CHRDL1: variants seen among roughly 807,000 people sequenced by gnomAD.
CHRDL1 encodes the protein chordin-like protein 1.
CHRDL1 carries 19 observed loss-of-function variants against 40.9 expected under a neutral mutation model. The ratio of observed to expected loss-of-function variants is 0.46; its 90% CI spans 0.32 to 0.68. The LOEUF (loss-of-function observed/expected upper bound fraction) is 0.68, where lower values mean the gene tolerates loss of function less well. Among genes scored for constraint, CHRDL1 ranks in the 30% least tolerant of loss-of-function variants. The pLI, the probability that CHRDL1 is intolerant of heterozygous loss-of-function variation, is 0.03. For synonymous variants in CHRDL1, 136 were observed against 123.4 expected (o/e 1.10, Z -0.68); for missense variants, 329 against 352.1 (o/e 0.93, Z 0.53).
At chrX:110,731,495 T>C (rs1024917231) in intron 4 of CHRDL1, among the ~76,000 whole-genome samples, 12 of 111,433 alleles carry the variant, frequency 1.1e-4, no homozygotes, top group African/African-American at 2.3e-4. Flanking sequence ...CCCAGGTATA[T>C]ACACAAAAAA....
chrX:110,733,256 T>G (rs1247744147), intron 4 of CHRDL1, among the ~76,000 whole-genome samples: 2 of 111,410 alleles, frequency 1.8e-5, no homozygotes, highest in African/African-American at 6.5e-5. Context: ...TGGAGTTCCA[T>G]GTACGGACCC....
At chrX:110,737,079 G>A (rs890926983) in intron 4 of CHRDL1, among the ~76,000 whole-genome samples, 8 of 111,822 alleles carry the variant, frequency 7.2e-5, no homozygotes, top group African/African-American at 2.0e-4. Flanking sequence ...TGGCTTTTCC[G>A]AAGTTATCCC....
chrX:110,712,483 G>T (rs1417343465), intron 6 of CHRDL1, among the ~76,000 whole-genome samples: 1 of 111,514 alleles, frequency 9.0e-6, no homozygotes. Context: ...GGTTAAGGAA[G>T]GATCAGACTG....
Position 110,681,577 on chromosome X carries a change from G to A in CHRDL1, c.1061C>T (p.Ser354Phe). The A allele has an allele frequency of 8.3e-7, 1 of 1,203,791 alleles. No homozygotes were observed. The highest frequency in any genetic ancestry group is 1.1e-6 in the Non-Finnish European group (1 of 888,372). ...CGEETMPVYE[S>F]VFMEDGETTR... ...TGTCTCCCCATCCTCCATGAATACA[G>A]ACTCATACACAGGCATCGTTTCTTC... The change falls in exon 10 of 12, where the codon TCT becomes TTT. Residue 354 changes from serine (S) to phenylalanine (F), a missense_variant. Physicochemically the swap from Ser to Phe is radical, Grantham distance 155. Transcript: ENST00000372042.
intron 2 of CHRDL1, among the ~76,000 whole-genome samples, chrX:110,771,701 A>G (rs1479117931): frequency 8.9e-6 from 1 of 111,733 alleles, no homozygotes; most frequent in Non-Finnish European, 1.9e-5. Flanking sequence ...GGCATCTACA[A>G]AAAACCTATA....
intron 4 of CHRDL1, among the ~76,000 whole-genome samples, chrX:110,722,449 G>A (rs140105138): frequency 5.5e-5 from 6 of 108,798 alleles, no homozygotes; most frequent in East Asian, 5.8e-4. Context: ...AGCTTATGCC[G>A]CCTTTCCTCC....
chrX:110,704,060 A>G (rs1277950282), intron 6 of CHRDL1, among the ~76,000 whole-genome samples: 2 of 111,664 alleles, frequency 1.8e-5, no homozygotes, highest in Non-Finnish European at 3.8e-5. Context: ...CTACTATTTG[A>G]TAGCACAATA....
chrX:110,723,267 GACAA>G (rs906390643), intron 4 of CHRDL1, among the ~76,000 whole-genome samples: 4 of 110,375 alleles, frequency 3.6e-5, no homozygotes, highest in Middle Eastern at 4.7e-3. Flanking sequence ...CAAACAAACA[GACAA>G]ACAAACAAAC....
At chrX:110,721,637 C>T (rs1288322587) in intron 4 of CHRDL1, 107 bp from the exon 5 acceptor site, 5 of 611,772 alleles carry the variant, frequency 8.2e-6, no homozygotes, top group Non-Finnish European at 1.1e-5. Context: ...AGTTTTAAGA[C>T]AGTCCCCGCT....
intron 2 of CHRDL1, among the ~76,000 whole-genome samples, chrX:110,778,316 T>C (rs764196959): frequency 1.2e-4 from 13 of 111,885 alleles, no homozygotes; most frequent in Middle Eastern, 4.6e-3. Flanking sequence ...AGTAAACAGA[T>C]AGCCTACAGA....
intron 4 of CHRDL1, among the ~76,000 whole-genome samples, chrX:110,742,062 G>A (rs2071371433): frequency 8.9e-6 from 1 of 112,319 alleles, no homozygotes; most frequent in Non-Finnish European, 1.9e-5. Context: ...ACTTTACTTG[G>A]ACCTACAAGT....
rs142726669 is a variant in CHRDL1, at chrX:110,688,673, G to A, written c.909C>T (p.Cys303=). 7.1e-4 allele frequency: 857 copies of A among 1,206,068 alleles called. 3 individuals are homozygous for A. Among genetic ancestry groups the A allele is most frequent in the Non-Finnish European group, 5.2e-4 (467 of 893,123 alleles). ...VTKQECKKIH[C]PNRYPCKYPQ... is the part of the protein sequence containing the mutation. ...GATACTTGCAGGGGTATCGATTGGG[G>A]CAGTGGATTTTCTTACACTCTTGCT... The change falls in exon 9 of 12, where the codon TGC becomes TGT. Residue 303 remains cysteine (C), a synonymous_variant. Coordinates refer to ENST00000372042, the MANE Select transcript of CHRDL1 (RefSeq NM_001143981.2).
At chrX:110,695,740 G>A (rs2070373421) in intron 7 of CHRDL1, among the ~76,000 whole-genome samples, 1 of 111,951 alleles carries the variant, frequency 8.9e-6, no homozygotes, top group South Asian at 3.7e-4. Context: ...ATGGGCCACA[G>A]ACAGGCATGT....
chrX:110,696,108 A>G (rs2070380644), intron 7 of CHRDL1, among the ~76,000 whole-genome samples: 1 of 111,309 alleles, frequency 9.0e-6, no homozygotes, highest in Admixed American at 9.5e-5. Context: ...GAACACATAG[A>G]GGACAGTTTG....
At chrX:110,723,574 TCTGA>T (rs746676239) in intron 4 of CHRDL1, among the ~76,000 whole-genome samples, 3 of 111,630 alleles carry the variant, frequency 2.7e-5, no homozygotes, top group African/African-American at 6.5e-5. Flanking sequence ...TAACTTGATG[TCTGA>T]CTGATTCTAG....
At chrX:110,753,394 G>A (rs1469905199) in intron 4 of CHRDL1, among the ~76,000 whole-genome samples, 1 of 111,973 alleles carries the variant, frequency 8.9e-6, no homozygotes, top group Non-Finnish European at 1.9e-5. Context: ...CCAGGGGCTA[G>A]GGGAAAAGGG....
intron 8 of CHRDL1, among the ~76,000 whole-genome samples, chrX:110,691,861 C>A (rs977179453): frequency 2.7e-5 from 3 of 110,540 alleles, no homozygotes; most frequent in African/African-American, 9.9e-5. Flanking sequence ...ACTGTGAGGT[C>A]AGGGCTGTGG....
intron 2 of CHRDL1, among the ~76,000 whole-genome samples, chrX:110,769,800 C>T (rs1449191211): frequency 8.9e-6 from 1 of 111,751 alleles, no homozygotes; most frequent in Non-Finnish European, 1.9e-5. Context: ...AACTGACCTC[C>T]CGCCGGGTTT....
intron 6 of CHRDL1, among the ~76,000 whole-genome samples, chrX:110,716,681 G>A (rs969947427): frequency 9.0e-6 from 1 of 111,024 alleles, no homozygotes; most frequent in African/African-American, 3.3e-5. Flanking sequence ...AGAAAAGAAA[G>A]GCCTTCCAAC....
Sources: gnomAD v4.1 joint callset for allele counts (sites outside exome capture counted in the v4.1 genomes callset) on GRCh38, gnomAD v4.1.1 for gene constraint, MANE v1.5 for transcripts, NCBI Gene and HGNC (gene_info 2026-07-23, HGNC 2026-07-21) for gene names.